The following HS6ST3 variants were observed in gnomAD, a reference collection of about 807,000 sequenced individuals.
HS6ST3 encodes the protein heparan-sulfate 6-O-sulfotransferase 3.
Under a neutral mutation model 36.7 loss-of-function variants are expected in HS6ST3, and 12 were observed. That is an observed-to-expected ratio of 0.33 (90% CI 0.21 to 0.53). HS6ST3 has a LOEUF of 0.53. Ranked by LOEUF, HS6ST3 falls within the 20% of genes least tolerant of loss-of-function variation. The probability of loss-of-function intolerance (pLI) is 0.95; values close to 1 mark genes in which losing one functional copy is unlikely to be tolerated. For synonymous variants in HS6ST3, 240 were observed against 257.5 expected, an observed-to-expected ratio of 0.93 and a Z score of 0.65; for missense variants, 584 against 640.9, an observed-to-expected ratio of 0.91 and a Z score of 0.96.
At chr13:96,567,141 TTCTC>T (rs926120717) in intron 1 of HS6ST3, among the ~76,000 whole-genome samples, 4 of 152,290 alleles carry the variant, frequency 2.6e-5, no homozygotes, top group African/African-American at 9.6e-5. Context: ...TTCTTTTATC[TTCTC>T]TCTTCTTTTT....
At chr13:96,218,194 A>G (rs1416891516) in intron 1 of HS6ST3, among the ~76,000 whole-genome samples, 1 of 152,152 alleles carries the variant, frequency 6.6e-6, no homozygotes, top group East Asian at 1.9e-4. Context: ...CCCAGAGAGA[A>G]GTGGGTGGCT....
At chr13:96,313,770 T>A (rs1435062924) in intron 1 of HS6ST3, among the ~76,000 whole-genome samples, 1 of 152,240 alleles carries the variant, frequency 6.6e-6, no homozygotes, top group South Asian at 2.1e-4. Context: ...AATTTTATGA[T>A]GGTCCAAGAT....
At chr13:96,479,152 A>C (rs1321606976) in intron 1 of HS6ST3, among the ~76,000 whole-genome samples, 1 of 152,226 alleles carries the variant, frequency 6.6e-6, no homozygotes, top group Non-Finnish European at 1.5e-5. Flanking sequence ...GCAGAGGTTG[A>C]CACTGGAGCA....
intron 1 of HS6ST3, among the ~76,000 whole-genome samples, chr13:96,667,872 C>T (rs1305732880): frequency 6.6e-6 from 1 of 152,124 alleles, no homozygotes; most frequent in Non-Finnish European, 1.5e-5. Flanking sequence ...CCTGCATGTG[C>T]CCTTGTGCCA....
At chr13:96,737,997 A>G (rs1039482273) in intron 1 of HS6ST3, among the ~76,000 whole-genome samples, 30 of 152,308 alleles carry the variant, frequency 2.0e-4, no homozygotes, top group African/African-American at 7.2e-4. Flanking sequence ...AGTCCAGGAT[A>G]ATATCCCCAT....
intron 1 of HS6ST3, among the ~76,000 whole-genome samples, chr13:96,403,581 T>A (rs2055462354): frequency 6.6e-6 from 1 of 152,188 alleles, no homozygotes; most frequent in South Asian, 2.1e-4. Context: ...TTTTAATTTG[T>A]CTCTTCAAGA....
chr13:96,513,618 G>T (rs1304130926), intron 1 of HS6ST3, among the ~76,000 whole-genome samples: 1 of 151,776 alleles, frequency 6.6e-6, no homozygotes, highest in African/African-American at 2.4e-5. Context: ...TTGAACTCTT[G>T]TATCTTTTCT....
At chr13:96,718,787 T>A (rs1875769574) in intron 1 of HS6ST3, among the ~76,000 whole-genome samples, 1 of 152,218 alleles carries the variant, frequency 6.6e-6, no homozygotes, top group Non-Finnish European at 1.5e-5. Context: ...AATGCTTATA[T>A]CTGGTAAATG....
rs111797657 is a variant in HS6ST3, at chr13:96,577,198, A to G, written c.708-255292A>G. ...AACCCCTGACAGGCCCTGGTGTGTG[A>G]TGTTCTCCTGCCTGTGTCCATGTGT... On this transcript the variant is annotated intron_variant, in intron 1 of 1. Transcript: ENST00000376705. 7.0e-3 allele frequency among the ~76,000 whole-genome samples: 1,070 copies of G among 152,042 alleles called. 11 individuals carry two copies. Among genetic ancestry groups the G allele is most frequent in the African/African-American group, 0.024 (990 of 41,472 alleles).
rs926728721 is a variant in HS6ST3 at position 96,632,323 on chromosome 13, T to G, written c.708-200167T>G. Among the ~76,000 whole-genome samples, 8 of 151,966 alleles carry G rather than the reference T, an allele frequency of 5.3e-5. No homozygotes were observed. In the East Asian group the frequency reaches 1.4e-3, roughly 26 times the overall value. ...AATAAATTTCTGTGTTTTTTTTTGTTTGTTTGTTTTTGTTTTTTTGTTTTT... is the reference window on the plus strand; with the variant it reads ...AATAAATTTCTGTGTTTTTTTTTGTGTGTTTGTTTTTGTTTTTTTGTTTTT... On this transcript the variant is annotated intron_variant, in intron 1 of 1. Coordinates refer to ENST00000376705, the MANE Select transcript of HS6ST3 (RefSeq NM_153456.4).
At chr13:96,553,207 GC>G (rs2056226113) in intron 1 of HS6ST3, among the ~76,000 whole-genome samples, 1 of 152,108 alleles carries the variant, frequency 6.6e-6, no homozygotes, top group Non-Finnish European at 1.5e-5. Context: ...CTGGCTTATA[GC>G]CCCTTCCTAG....
intron 1 of HS6ST3, among the ~76,000 whole-genome samples, chr13:96,103,528 A>G (rs1465100215): frequency 6.6e-6 from 1 of 152,202 alleles, no homozygotes; most frequent in East Asian, 1.9e-4. Flanking sequence ...TTACTAATTT[A>G]TGAGACAATT....
chr13:96,108,684 C>A (rs533384939), intron 1 of HS6ST3, among the ~76,000 whole-genome samples: 1 of 152,108 alleles, frequency 6.6e-6, no homozygotes, highest in South Asian at 2.1e-4. Flanking sequence ...AGAAAAGAAC[C>A]CATGTTAAAA....
At chr13:96,091,598 TC>T (rs758719053) in intron 1 of HS6ST3, 29 bp downstream of exon 1, 12 of 1,488,788 alleles carry the variant, frequency 8.1e-6, no homozygotes, top group East Asian at 2.5e-5. Context: ...TCTCTGTTCT[TC>T]CCCCCCACCC....
intron 1 of HS6ST3, among the ~76,000 whole-genome samples, chr13:96,275,264 C>A (rs2054742345): frequency 6.6e-6 from 1 of 152,138 alleles, no homozygotes; most frequent in African/African-American, 2.4e-5. Flanking sequence ...CCCCCTGCTT[C>A]AGAATTATTT....
intron 1 of HS6ST3, among the ~76,000 whole-genome samples, chr13:96,478,888 T>C (rs1300738771): frequency 6.6e-6 from 1 of 152,182 alleles, no homozygotes; most frequent in Non-Finnish European, 1.5e-5. Flanking sequence ...TTGATTAGAC[T>C]CTTAAATCCT....
intron 1 of HS6ST3, among the ~76,000 whole-genome samples, chr13:96,116,938 G>A (rs1242965755): frequency 6.6e-6 from 1 of 152,222 alleles, no homozygotes; most frequent in East Asian, 1.9e-4. Context: ...AAAAGCTGGG[G>A]TTTTGGAGGA....
intron 1 of HS6ST3, among the ~76,000 whole-genome samples, chr13:96,706,429 ATATATATATAT>A (rs1875427579): frequency 7.2e-6 from 1 of 138,598 alleles, no homozygotes; most frequent in South Asian, 2.2e-4. Context: ...ATATATATAT[ATATATATATAT>A]AATCAGGGAA....
intron 1 of HS6ST3, among the ~76,000 whole-genome samples, chr13:96,403,883 C>T (rs1296990455): frequency 2.0e-5 from 3 of 152,164 alleles, no homozygotes; most frequent in Non-Finnish European, 1.5e-5. Context: ...ATTCCATAAA[C>T]ATAAGGCATA....
Sources: gnomAD v4.1 joint callset for allele counts (sites outside exome capture counted in the v4.1 genomes callset) on GRCh38, gnomAD v4.1.1 for gene constraint, MANE v1.5 for transcripts, NCBI Gene and HGNC (gene_info 2026-07-23, HGNC 2026-07-21) for gene names.